Variants in SYNPO2 observed in about 807,000 individuals in gnomAD.
SYNPO2 encodes the protein synaptopodin-2.
Under a neutral mutation model 85.0 loss-of-function variants are expected in SYNPO2, and 56 were observed. The ratio of observed to expected loss-of-function variants is 0.66; its 90% CI spans 0.53 to 0.82. The LOEUF (loss-of-function observed/expected upper bound fraction) is 0.82, where lower values mean the gene tolerates loss of function less well. Ranked by LOEUF, SYNPO2 falls within the 40% of genes least tolerant of loss-of-function variation. The pLI is 0.00. For synonymous variants in SYNPO2, 602 were observed against 591.1 expected, an observed-to-expected ratio of 1.02 and a Z score of -0.27; for missense variants, 1,575 against 1,534.2, an observed-to-expected ratio of 1.03 and a Z score of -0.44.
At chr4:119,054,051 G>A (rs994996457) in intron 4 of SYNPO2, among the ~76,000 whole-genome samples, 1 of 152,142 alleles carries the variant, frequency 6.6e-6, no homozygotes, top group African/African-American at 2.4e-5. Context: ...TAGCCTCTTT[G>A]CCAGACTTGC....
intron 1 of SYNPO2, among the ~76,000 whole-genome samples, chr4:118,877,303 C>T (rs1265580273): frequency 6.6e-6 from 1 of 152,066 alleles, no homozygotes; most frequent in Non-Finnish European, 1.5e-5. Context: ...TAGGACCAGG[C>T]AAATTTCATG....
chr4:118,904,872 T>C (rs1412005608), intron 1 of SYNPO2, among the ~76,000 whole-genome samples: 1 of 152,166 alleles, frequency 6.6e-6, no homozygotes, highest in African/African-American at 2.4e-5. Flanking sequence ...GCAGTTTCCA[T>C]TGGATGGTGC....
intron 1 of SYNPO2, among the ~76,000 whole-genome samples, chr4:118,998,706 T>C (rs1160848197): frequency 6.6e-6 from 1 of 152,184 alleles, no homozygotes; most frequent in Non-Finnish European, 1.5e-5. Flanking sequence ...TGGATCTCAG[T>C]TGTTCTGTCT....
chr4:118,900,667 C>CTA, intron 1 of SYNPO2, among the ~76,000 whole-genome samples: 1 of 63,364 alleles, frequency 1.6e-5, no homozygotes, highest in African/African-American at 8.0e-5. Context: ...ATCTCTTTCT[C>CTA]TCTCTCTCTC....
chr4:119,027,186 G>GA lies in SYNPO2; in HGVS notation c.820dup (p.Ser274LysfsTer2). The GA allele has an allele frequency of 6.2e-7, 1 of 1,614,154 alleles. No homozygotes were observed. Among genetic ancestry groups the GA allele is most frequent in the Non-Finnish European group, 8.5e-7 (1 of 1,180,018 alleles). ...TGGCAGAGAGTTGAGAGTGATCCAG[G>GA]AAAGTGAAGCAGGAGATGCGGGACT... On this transcript the variant is annotated frameshift_variant, in exon 3 of 5. Transcript: ENST00000307142. LOFTEE classifies it high-confidence loss of function.
At chr4:118,946,214 A>C (rs1311780034) in intron 1 of SYNPO2, among the ~76,000 whole-genome samples, 2 of 152,182 alleles carry the variant, frequency 1.3e-5, no homozygotes, top group Non-Finnish European at 2.9e-5. Context: ...CCCCACATGA[A>C]ATACTGTAAG....
chr4:119,010,697 A>C (rs1354775860), intron 1 of SYNPO2, among the ~76,000 whole-genome samples: 2 of 152,206 alleles, frequency 1.3e-5, no homozygotes, highest in Non-Finnish European at 2.9e-5. Flanking sequence ...GGTTGTAATT[A>C]TCTACTCTCT....
In SYNPO2 at chr4:119,030,217, T is replaced by A; in HGVS notation, c.1442T>A (p.Met481Lys). 1 of 1,613,856 alleles carries A rather than the reference T, an allele frequency of 6.2e-7. No homozygotes were observed. The highest frequency in any genetic ancestry group is 1.1e-5 in the South Asian group (1 of 91,070). ...AAGAAACTGAACAGAGGGGACAAGA[T>A]GGAGATGTTACCAGACACCACAGGC... is the stretch of plus-strand genomic sequence containing the variant. The part of the protein sequence containing the change: ...IEKKLNRGDK[M>K]EMLPDTTGKG... Residue 481 changes from methionine to lysine, a missense_variant, in exon 4 of 5, where the codon ATG becomes AAG. By Grantham distance (95) the Met-to-Lys change is moderately conservative. Coordinates refer to ENST00000307142, the MANE Select transcript of SYNPO2 (RefSeq NM_133477.3).
At chr4:118,993,316 C>T (rs6845569) in intron 1 of SYNPO2, among the ~76,000 whole-genome samples, 36,338 of 151,954 alleles carry the variant, frequency 0.24, 4,469 homozygotes, top group South Asian at 0.33. Context: ...GCATGATGGA[C>T]GGTGAGGATT....
chr4:118,878,445 C>T (rs1302711926), intron 1 of SYNPO2, among the ~76,000 whole-genome samples: 1 of 152,208 alleles, frequency 6.6e-6, no homozygotes, highest in Non-Finnish European at 1.5e-5. Context: ...TTCTCCATCT[C>T]ACTGAGTTGG....
chr4:119,028,336 A>G (rs551199829), intron 3 of SYNPO2, among the ~76,000 whole-genome samples: 1 of 152,144 alleles, frequency 6.6e-6, no homozygotes, highest in East Asian at 1.9e-4. Context: ...CGGTTATTCA[A>G]AGTAGGATAT....
chr4:118,948,130 G>T (rs755917360), intron 1 of SYNPO2, among the ~76,000 whole-genome samples: 1 of 152,050 alleles, frequency 6.6e-6, no homozygotes, highest in Admixed American at 6.6e-5. Flanking sequence ...TTGGTGTTGC[G>T]CTCTGTCTGA....
At position 118,860,552 on chromosome 4, in the gene SYNPO2, C is replaced by CTTTTTT. The variant is rs34644748; in HGVS notation, c.12+9616_12+9621dup. On this transcript the variant is annotated intron_variant, in intron 1 of 4. Coordinates refer to the SYNPO2 transcript ENST00000610556. ...AGCCACACTGCCTGGCCTCTTTTGC[C>CTTTTTT]TTTTTTTTTGTTTTTTTTTTTTGAG... is the stretch of plus-strand genomic sequence containing the variant. 5.3e-5 allele frequency among the ~76,000 whole-genome samples: 6 copies of CTTTTTT among 114,118 alleles called. 2 individuals carry two copies. The highest frequency in any genetic ancestry group is 3.5e-5 in the Non-Finnish European group (2 of 57,932). 74.9% of individuals were successfully genotyped at this position (114,118 alleles called of 152,430 possible).
intron 1 of SYNPO2, among the ~76,000 whole-genome samples, chr4:118,962,540 G>C (rs1735139764): frequency 6.6e-6 from 1 of 152,098 alleles, no homozygotes; most frequent in Non-Finnish European, 1.5e-5. Context: ...TAATTATAAA[G>C]GGTTTTAGAA....
intron 1 of SYNPO2, among the ~76,000 whole-genome samples, chr4:118,857,728 C>T (rs184098645): frequency 1.7e-4 from 26 of 152,238 alleles, no homozygotes; most frequent in African/African-American, 5.8e-4. Context: ...TAGAGTAGAA[C>T]GCTCTCGTAC....
chr4:119,025,899 A>G (rs2149186889), intron 2 of SYNPO2, among the ~76,000 whole-genome samples: 1 of 152,334 alleles, frequency 6.6e-6, no homozygotes, highest in South Asian at 2.1e-4. Flanking sequence ...TGTGGTGTAC[A>G]GCTCTAGGCT....
In SYNPO2 at chr4:118,917,923, G is replaced by A. The variant is rs532046894; in HGVS notation, c.105+28782G>A. Among the ~76,000 whole-genome samples, 39 of 152,222 alleles carry A rather than the reference G, an allele frequency of 2.6e-4. 1 individual carries two copies. In the South Asian group the frequency reaches 7.9e-3, roughly 31 times the overall value. ...AAAAATAGCTAAATATATAGTAGCA[G>A]GCCCTATATACTAAATTTTTACATT... On this transcript the variant is annotated intron_variant, in intron 1 of 4. Transcript: ENST00000307142.
At chr4:119,040,066 T>C (rs1738660155) in intron 4 of SYNPO2, among the ~76,000 whole-genome samples, 1 of 152,244 alleles carries the variant, frequency 6.6e-6, no homozygotes. Flanking sequence ...ATAATAGGTG[T>C]ACCTCACAAG....
intron 1 of SYNPO2, among the ~76,000 whole-genome samples, chr4:118,964,840 A>C (rs1292757564): frequency 1.3e-5 from 2 of 152,174 alleles, no homozygotes. Context: ...ACTCAGTCCA[A>C]AGGACTGAAA....
Sources: gnomAD v4.1 joint callset for allele counts (sites outside exome capture counted in the v4.1 genomes callset) on GRCh38, gnomAD v4.1.1 for gene constraint, MANE v1.5 for transcripts, NCBI Gene and HGNC (gene_info 2026-07-23, HGNC 2026-07-21) for gene names.